Variants in GBP6 observed in about 807,000 individuals in gnomAD.
The protein encoded by GBP6 is guanylate binding protein family member 6.
A neutral mutation model predicts 61.5 loss-of-function variants in GBP6; 54 were observed. The observed-to-expected ratio is 0.88, with a 90% CI of 0.71 to 1.10. GBP6 has a LOEUF of 1.10. Among genes scored for constraint, GBP6 ranks in the 50% least tolerant of loss-of-function variants. The probability of loss-of-function intolerance (pLI) is 0.00; values close to 1 mark genes in which losing one functional copy is unlikely to be tolerated. For synonymous variants in GBP6, 255 were observed against 273.7 expected, an observed-to-expected ratio of 0.93 and a Z score of 0.67; for missense variants, 748 against 752.8, an observed-to-expected ratio of 0.99 and a Z score of 0.07.
chr1:89,377,664 C>G (rs1652843937), intron 3 of GBP6, among the ~76,000 whole-genome samples: 1 of 152,148 alleles, frequency 6.6e-6, no homozygotes. Context: ...AACATAAGAA[C>G]AGTGAGAAAC....
In GBP6 at chr1:89,387,598, G is replaced by C. The variant is rs1249241065; in HGVS notation, c.*2129G>C. 1.3e-5 allele frequency among the ~76,000 whole-genome samples: 2 copies of C among 152,198 alleles called. No individual in the cohort carries two copies. ...TTCCAGAGATCAGTGGTAATAAGTTGTTTGAATTTTCGACACCAGATTAAG... is the reference window on the plus strand; with the variant it reads ...TTCCAGAGATCAGTGGTAATAAGTTCTTTGAATTTTCGACACCAGATTAAG... On this transcript the variant is annotated 3_prime_UTR_variant, in exon 11 of 11. Coordinates refer to ENST00000370456, the MANE Select transcript of GBP6 (RefSeq NM_198460.3).
At position 89,387,754 on chromosome 1, in the gene GBP6, G is replaced by A. The variant is rs1977667; in HGVS notation, c.*2285G>A. On this transcript the variant is annotated 3_prime_UTR_variant, in exon 11 of 11. Coordinates refer to ENST00000370456, the MANE Select transcript of GBP6 (RefSeq NM_198460.3). ...TTGAGACCAGCCTGGCCAACATGGC[G>A]AAACCCTGCCTTTACTAAAAATACA... 0.89 allele frequency among the ~76,000 whole-genome samples: 136,122 copies of A among 152,212 alleles called. 60,945 individuals carry two copies. The highest frequency in any genetic ancestry group is 0.91 in the Middle Eastern group (269 of 294).
chr1:89,383,426 G>A (rs1201815016), intron 8 of GBP6, among the ~76,000 whole-genome samples: 2 of 152,124 alleles, frequency 1.3e-5, no homozygotes, highest in Admixed American at 6.6e-5. Context: ...AACCCAAAAC[G>A]GGTACAGGGA....
intron 6 of GBP6, 140 bp from the exon 7 acceptor site, chr1:89,381,554 G>T: frequency 2.9e-6 from 2 of 693,064 alleles, no homozygotes; most frequent in Non-Finnish European, 4.7e-6. Flanking sequence ...AATAGCAGAA[G>T]GAGGTAGGGA....
At position 89,386,659 on chromosome 1, in the gene GBP6, G is replaced by GT. The variant is rs559147859; in HGVS notation, c.*1191dup. 2.3e-4 allele frequency among the ~76,000 whole-genome samples: 35 copies of GT among 152,284 alleles called. 1 individual carries two copies. The East Asian group carries it at 4.2e-3, about 18-fold the overall frequency. ...TGTGGCCTTTGAAATCTCAGCTACA[G>GT]TAGCCTCTACTTCCTTTCTCTGAAT... is the stretch of plus-strand genomic sequence containing the variant. On this transcript the variant is annotated 3_prime_UTR_variant, in exon 11 of 11. Coordinates refer to ENST00000370456, the MANE Select transcript of GBP6 (RefSeq NM_198460.3).
chr1:89,381,658 T>A (rs1652981815), intron 6 of GBP6, 36 bp from the exon 7 acceptor site: 1 of 1,564,246 alleles, frequency 6.4e-7, no homozygotes, highest in African/African-American at 1.4e-5. Flanking sequence ...GAGCTTTAAT[T>A]TCATATTTAG....
chr1:89,370,457 T>C (rs1056635169), intron 3 of GBP6, among the ~76,000 whole-genome samples: 1 of 152,220 alleles, frequency 6.6e-6, no homozygotes, highest in African/African-American at 2.4e-5. Context: ...ACATTTCTGA[T>C]TGTGCTCATC....
chr1:89,385,162 T>A (rs1220713954), intron 10 of GBP6, 68 bp from the exon 11 acceptor site: 27 of 1,405,980 alleles, frequency 1.9e-5, no homozygotes, highest in Non-Finnish European at 2.2e-5. Flanking sequence ...AGGTTTTAAA[T>A]ACAAAATGTA....
intron 10 of GBP6, 47 bp from the exon 11 acceptor site, chr1:89,385,183 G>C (rs1653099206): frequency 6.5e-7 from 1 of 1,541,880 alleles, no homozygotes; most frequent in Non-Finnish European, 8.8e-7. Flanking sequence ...AGTCTTAAAA[G>C]AATAGGGATT....
At position 89,378,306 on chromosome 1, in the gene GBP6, C is replaced by T. The variant is rs1241296641; in HGVS notation, c.428+94C>T. 5 of 1,515,906 alleles carry T rather than the reference C, an allele frequency of 3.3e-6. No individual in the cohort carries two copies. The African/African-American group carries it at 4.2e-5, about 13-fold the overall frequency. The allele number at this position is 1,515,906 out of a possible 1,614,324, so 93.9% of individuals were successfully genotyped here. The stretch of plus-strand genomic sequence containing the variant: ...TTCCTCCTTCCCTTTGATGTAATTA[C>T]CTGTGGTGCAGCACAGGGAACCCAA... On this transcript the variant is annotated intron_variant, in intron 4 of 10. Coordinates refer to ENST00000370456, the MANE Select transcript of GBP6 (RefSeq NM_198460.3).
In GBP6 at chr1:89,369,555, T is replaced by A; in HGVS notation, c.200T>A (p.Leu67Gln). ...CTCCTCTTCCCTGCAGGCTTCCCTC[T>A]GGGCTCCACGGTGCAGTCTGAAACC... ...HLAGQNHGFP[L>Q]GSTVQSETKG... The change falls in exon 3 of 11, where the codon CTG becomes CAG. Residue 67 changes from leucine (L) to glutamine (Q), a missense_variant. Transcript: ENST00000370456. 6.2e-7 allele frequency: 1 copy of A among 1,613,774 alleles called. No homozygotes were observed. The highest frequency in any genetic ancestry group is 8.5e-7 in the Non-Finnish European group (1 of 1,179,774).
At position 89,378,561 on chromosome 1, in the gene GBP6, T is replaced by C. The variant is rs1353440522; in HGVS notation, c.573T>C (p.Gly191=). 6.2e-7 allele frequency: 1 copy of C among 1,613,856 alleles called. No homozygotes were observed. The highest frequency in any genetic ancestry group is 2.2e-5 in the East Asian group (1 of 44,892). Residue 191 remains glycine, a synonymous_variant, in exon 5 of 11, where the codon GGT becomes GGC. Coordinates refer to ENST00000370456, the MANE Select transcript of GBP6 (RefSeq NM_198460.3). ...RDFTLELKLN[G]HPITEDEYLE... The stretch of plus-strand genomic sequence containing the variant: ...TCACTCTGGAGCTGAAGTTGAACGG[T>C]CACCCTATCACAGAAGATGAATACC...
rs370789372 is a variant in GBP6, at chr1:89,385,541, GTTTT to G, written c.*83_*86del. The G allele has an allele frequency of 4.4e-6, 5 of 1,139,286 alleles. No homozygotes were observed. The highest frequency in any genetic ancestry group is 6.0e-6 in the Non-Finnish European group (5 of 839,142). 70.6% of individuals were successfully genotyped at this position (1,139,286 alleles called of 1,614,324 possible). ...TATGTTTTTCATTTTCATTCAGCAA[GTTTT>G]TTTTTTTTTTCAGAGTCTTACTCTG... On this transcript the variant is annotated 3_prime_UTR_variant, in exon 11 of 11. Transcript: ENST00000370456.
rs114110284 is a variant in GBP6, at chr1:89,369,661, C to A, written c.306C>A (p.Gly102=). The change falls in exon 3 of 11, where the codon GGC becomes GGA. Residue 102 remains glycine (G), a synonymous_variant. Coordinates refer to ENST00000370456, the MANE Select transcript of GBP6 (RefSeq NM_198460.3). ...TLVLLDTEGL[G]DVEKGDPKND... ...TCCTTCTGGACACCGAAGGTCTGGGCGATGTGGAAAAGGTAAGACAGAGAG... is the reference window on the plus strand; with the variant it reads ...TCCTTCTGGACACCGAAGGTCTGGGAGATGTGGAAAAGGTAAGACAGAGAG... 4,214 of 1,613,674 alleles carry A rather than the reference C, an allele frequency of 2.6e-3. 84 individuals are homozygous for A. The African/African-American group carries it at 0.049, about 19-fold the overall frequency.
intron 10 of GBP6, among the ~76,000 whole-genome samples, chr1:89,384,977 T>G (rs1162036446): frequency 6.6e-6 from 1 of 152,218 alleles, no homozygotes; most frequent in Non-Finnish European, 1.5e-5. Context: ...AACTGGCATC[T>G]TTTGGGCAGG....
intron 3 of GBP6, among the ~76,000 whole-genome samples, chr1:89,371,076 T>C (rs531236754): frequency 1.1e-3 from 161 of 152,322 alleles, no homozygotes; most frequent in Non-Finnish European, 2.1e-3. Flanking sequence ...ATTCCACAAA[T>C]AGGTGAGATC....
At chr1:89,384,807 G>A (rs939114612) in intron 10 of GBP6, among the ~76,000 whole-genome samples, 1 of 152,192 alleles carries the variant, frequency 6.6e-6, no homozygotes, top group East Asian at 1.9e-4. Context: ...GCCCAAATTA[G>A]CACACAGTGT....
chr1:89,368,703 A>C lies in GBP6; in HGVS notation c.152A>C (p.Lys51Thr), dbSNP rs113354221. 4.3e-6 allele frequency: 7 copies of C among 1,613,408 alleles called. No homozygotes were observed. In the African/African-American group the frequency reaches 5.3e-5, roughly 12 times the overall value. ...VAIVGLYRTG[K>T]SYLMNHLAGQ... ...ATTGTAGGACTGTACCGTACAGGGA[A>C]ATCCTACTTGATGAACCATCTGGCA... The change falls in exon 2 of 11, where the codon AAA (lysine) becomes ACA (threonine). Residue 51 changes from lysine to threonine, a missense_variant. Physicochemically the swap from Lys to Thr is moderately conservative, Grantham distance 78. Coordinates refer to ENST00000370456, the MANE Select transcript of GBP6 (RefSeq NM_198460.3).
At chr1:89,384,772 A>T (rs947976678) in intron 10 of GBP6, among the ~76,000 whole-genome samples, 2 of 152,218 alleles carry the variant, frequency 1.3e-5, no homozygotes, top group Non-Finnish European at 2.9e-5. Flanking sequence ...AACTTGCTGC[A>T]GTTGTCACCC....
Sources: gnomAD v4.1 joint callset for allele counts (sites outside exome capture counted in the v4.1 genomes callset) on GRCh38, gnomAD v4.1.1 for gene constraint, MANE v1.5 for transcripts, NCBI Gene and HGNC (gene_info 2026-07-23, HGNC 2026-07-21) for gene names.